LOC400499: variants seen among roughly 807,000 people sequenced by gnomAD.
At chr16:11,414,598 C>T in the LOC400499 span, 1 of 399,136 alleles carries the variant, frequency 2.5e-6, no homozygotes, top group Non-Finnish European at 4.4e-6. Flanking sequence ...GAGGCCATGC[C>T]CTGTGGCCCT....
At chr16:11,398,269 G>A in the LOC400499 span, 2 of 1,185,300 alleles carry the variant, frequency 1.7e-6, no homozygotes, top group South Asian at 4.3e-5. Context: ...CCTGCATTCT[G>A]CGGGCACCAC....
chr16:11,385,484 G>A, the LOC400499 span: 2 of 1,082,362 alleles, frequency 1.8e-6, no homozygotes, highest in Non-Finnish European at 2.3e-6. Flanking sequence ...GGAGCCCAAT[G>A]CCTGCTGGGT....
At chr16:11,456,379 T>C in the LOC400499 span, among the ~76,000 whole-genome samples, 1 of 151,272 alleles carries the variant, frequency 6.6e-6, no homozygotes, top group Non-Finnish European at 1.5e-5. Flanking sequence ...TGACAGACAG[T>C]GTTTTCGAGA....
chr16:11,520,225 G>T, the LOC400499 span, among the ~76,000 whole-genome samples: 6 of 152,046 alleles, frequency 3.9e-5, no homozygotes, highest in African/African-American at 1.4e-4. Context: ...GACTTAAGAT[G>T]GTTGAAATGG....
the LOC400499 span, among the ~76,000 whole-genome samples, chr16:11,469,005 T>C: frequency 2.6e-5 from 4 of 152,228 alleles, no homozygotes; most frequent in African/African-American, 9.6e-5. Flanking sequence ...GCCCATTTTT[T>C]TCTTGTTTAT....
the LOC400499 span, chr16:11,460,531 C>G: frequency 6.5e-7 from 1 of 1,535,404 alleles, no homozygotes; most frequent in Non-Finnish European, 8.7e-7. Context: ...GCAGCTCCAG[C>G]CTGTAGGCAC....
At chr16:11,419,415 G>T in the LOC400499 span, among the ~76,000 whole-genome samples, 1 of 151,906 alleles carries the variant, frequency 6.6e-6, no homozygotes, top group East Asian at 1.9e-4. Context: ...AGCTGAAACT[G>T]GATCCCTTCC....
chr16:11,523,534 C>T, the LOC400499 span: 2 of 398,272 alleles, frequency 5.0e-6, no homozygotes, highest in Admixed American at 4.4e-5. Flanking sequence ...GATAGCCCCA[C>T]GCTATGGGCC....
the LOC400499 span, chr16:11,502,086 CGGCA>C: frequency 2.5e-6 from 1 of 399,124 alleles, no homozygotes; most frequent in Non-Finnish European, 4.4e-6. Flanking sequence ...CCCATTGTCT[CGGCA>C]TTTGAAGGAA....
chr16:11,496,059 G>C, the LOC400499 span, among the ~76,000 whole-genome samples: 1 of 138,266 alleles, frequency 7.2e-6, no homozygotes, highest in Non-Finnish European at 1.6e-5. Flanking sequence ...TCTCTGCCTA[G>C]CTCTGTCCTT....
chr16:11,398,981 T>C, the LOC400499 span, among the ~76,000 whole-genome samples: 1 of 152,136 alleles, frequency 6.6e-6, no homozygotes, highest in Non-Finnish European at 1.5e-5. Context: ...TAGGGGGCCA[T>C]GCCTAAGAGC....
chr16:11,521,060 G>A, the LOC400499 span, among the ~76,000 whole-genome samples: 1 of 152,176 alleles, frequency 6.6e-6, no homozygotes, highest in Non-Finnish European at 1.5e-5. Context: ...TTTGAAGGGT[G>A]TAAAAGGATG....
the LOC400499 span, among the ~76,000 whole-genome samples, chr16:11,375,842 G>C: frequency 1.3e-5 from 2 of 149,526 alleles, no homozygotes; most frequent in Non-Finnish European, 3.0e-5. Flanking sequence ...CAATTCTCCT[G>C]CCTCAGCCTC....
the LOC400499 span, among the ~76,000 whole-genome samples, chr16:11,490,357 T>C: frequency 0.02 from 2,973 of 145,342 alleles, 105 homozygotes; most frequent in African/African-American, 0.073. Context: ...AACTGTGCCA[T>C]TGCACTCCAG....
At chr16:11,379,640 G>C in the LOC400499 span, among the ~76,000 whole-genome samples, 2 of 152,244 alleles carry the variant, frequency 1.3e-5, no homozygotes, top group African/African-American at 4.8e-5. Context: ...TTGCTGTGGG[G>C]AGACTCCAGC....
the LOC400499 span, among the ~76,000 whole-genome samples, chr16:11,507,942 A>C: frequency 7.9e-5 from 12 of 152,284 alleles, 1 homozygote; most frequent in African/African-American, 2.9e-4. Flanking sequence ...TAAAAAAAAA[A>C]TTGTAGAACA....
chr16:11,491,654 G>GCCCCCCCCCCTC, the LOC400499 span: 1 of 269,414 alleles, frequency 3.7e-6, no homozygotes. Context: ...TGCCCTCCCA[G>GCCCCCCCCCCTC]CCCCACCCCT....
At chr16:11,396,746 C>T in the LOC400499 span, 1 of 1,182,252 alleles carries the variant, frequency 8.5e-7, no homozygotes, top group Non-Finnish European at 1.1e-6. Flanking sequence ...GTCCCCTGCA[C>T]CGAGAATGCA....
the LOC400499 span, chr16:11,384,890 T>G: frequency 9.1e-5 from 112 of 1,232,254 alleles, no homozygotes; most frequent in East Asian, 3.4e-3. Context: ...AGACCCACCG[T>G]GCTGCCAGAG....
Sources: gnomAD v4.1 joint callset for allele counts (sites outside exome capture counted in the v4.1 genomes callset) on GRCh38, gnomAD v4.1.1 for gene constraint, MANE v1.5 for transcripts.